The following SH3GL2 variants were observed in gnomAD, a reference collection of about 807,000 sequenced individuals.
The protein encoded by SH3GL2 is endophilin-A1.
In SH3GL2, 24 loss-of-function variants were observed where a neutral mutation model predicts 46.0. That is an observed-to-expected ratio of 0.52 (90% confidence interval 0.38 to 0.73). The LOEUF (loss-of-function observed/expected upper bound fraction) is 0.73, where lower values mean the gene tolerates loss of function less well. SH3GL2 is among the 30% of genes least tolerant of loss of function. The pLI is 0.00. For missense variants in SH3GL2, 413 were observed against 424.2 expected (o/e 0.97, Z 0.23); for synonymous variants, 196 against 147.1 (o/e 1.33, Z -2.40).
At chr9:17,786,175 G>T (rs761949224) in intron 3 of SH3GL2, among the ~76,000 whole-genome samples, 1 of 152,136 alleles carries the variant, frequency 6.6e-6, no homozygotes, top group East Asian at 1.9e-4. Flanking sequence ...TTCATTTTAA[G>T]ATCTTAAGGG....
At chr9:17,612,171 C>G (rs997212322) in intron 1 of SH3GL2, among the ~76,000 whole-genome samples, 3 of 152,122 alleles carry the variant, frequency 2.0e-5, no homozygotes, top group Admixed American at 2.0e-4. Context: ...TGTCCTCTCT[C>G]TCTAGTTCTG....
At chr9:17,780,462 T>G (rs981519157) in intron 3 of SH3GL2, among the ~76,000 whole-genome samples, 1 of 145,880 alleles carries the variant, frequency 6.9e-6, no homozygotes, top group Non-Finnish European at 1.5e-5. Flanking sequence ...ATATTTTGAA[T>G]AGCACAGTTT....
intron 1 of SH3GL2, among the ~76,000 whole-genome samples, chr9:17,600,883 TGAATTTA>T (rs1818656904): frequency 6.6e-6 from 1 of 152,186 alleles, no homozygotes; most frequent in African/African-American, 2.4e-5. Flanking sequence ...AAATACCATG[TGAATTTA>T]GAGTTTAGAG....
intron 1 of SH3GL2, among the ~76,000 whole-genome samples, chr9:17,719,790 C>T (rs58028636): frequency 2.3e-4 from 32 of 138,210 alleles, no homozygotes; most frequent in African/African-American, 8.2e-4. Context: ...GAGACCCTGT[C>T]TTGAAAAAAA....
intron 3 of SH3GL2, among the ~76,000 whole-genome samples, chr9:17,774,607 A>G (rs1823588324): frequency 6.6e-6 from 1 of 151,544 alleles, no homozygotes; most frequent in Admixed American, 6.6e-5. Flanking sequence ...CCATTTTTGT[A>G]TATTGAACCA....
At chr9:17,744,760 T>C (rs1199927928) in intron 1 of SH3GL2, among the ~76,000 whole-genome samples, 1 of 152,216 alleles carries the variant, frequency 6.6e-6, no homozygotes, top group Non-Finnish European at 1.5e-5. Flanking sequence ...AGAAGCTGGC[T>C]TGCCAAACAA....
intron 1 of SH3GL2, among the ~76,000 whole-genome samples, chr9:17,738,639 T>TAGAGAG (rs1245134748): frequency 1.5e-5 from 1 of 66,780 alleles, no homozygotes; most frequent in African/African-American, 4.2e-5. Context: ...TATATATATA[T>TAGAGAG]ATAGAGAGAG....
chr9:17,706,314 A>G, intron 1 of SH3GL2, among the ~76,000 whole-genome samples: 1 of 151,980 alleles, frequency 6.6e-6, no homozygotes, highest in East Asian at 1.9e-4. Context: ...ATGTGTGTTG[A>G]AGTTTTGAAT....
At chr9:17,735,713 G>C in intron 1 of SH3GL2, 1 of 923,708 alleles carries the variant, frequency 1.1e-6, no homozygotes, top group Non-Finnish European at 1.3e-6. Flanking sequence ...AACTCTGTTG[G>C]CACAGAGTTG....
chr9:17,791,263 G>C lies in SH3GL2; in HGVS notation c.657G>C (p.Val219=). 2 of 1,613,690 alleles carry C rather than the reference G, an allele frequency of 1.2e-6. No homozygotes were observed. Among genetic ancestry groups the C allele is most frequent in the Non-Finnish European group, 1.7e-6 (2 of 1,179,674 alleles). ...AAGTGAGCCAGCTCTCTGCACTTGT[G>C]CAAGCTCAGCTGGAGTACCACAAGC... is the stretch of plus-strand genomic sequence containing the variant. ...IEQVSQLSAL[V]QAQLEYHKQA... is the part of the protein sequence containing the mutation. Residue 219 remains valine (V), a synonymous_variant, in exon 7 of 9, where the codon GTG becomes GTC. Coordinates refer to ENST00000380607, the MANE Select transcript of SH3GL2 (RefSeq NM_003026.5).
intron 1 of SH3GL2, among the ~76,000 whole-genome samples, chr9:17,695,336 CT>C (rs1158961067): frequency 1.3e-5 from 2 of 152,288 alleles, no homozygotes; most frequent in East Asian, 3.9e-4. Context: ...GAGCTAGCCT[CT>C]GCTTCATACA....
intron 2 of SH3GL2, among the ~76,000 whole-genome samples, chr9:17,749,530 G>A (rs139513899): frequency 6.6e-6 from 1 of 152,264 alleles, no homozygotes; most frequent in East Asian, 1.9e-4. Flanking sequence ...CAGGTATTTA[G>A]GAATTTGGAA....
At chr9:17,597,496 G>A (rs1818596278) in intron 1 of SH3GL2, among the ~76,000 whole-genome samples, 1 of 150,914 alleles carries the variant, frequency 6.6e-6, no homozygotes, top group South Asian at 2.1e-4. Context: ...CAGCCTGGGC[G>A]ACAGAGTGAT....
intron 1 of SH3GL2, among the ~76,000 whole-genome samples, chr9:17,744,505 A>C (rs900515001): frequency 6.6e-6 from 1 of 151,946 alleles, no homozygotes; most frequent in Non-Finnish European, 1.5e-5. Context: ...ATCTGGGACC[A>C]CAGGTGCACA....
At chr9:17,731,259 A>G (rs1307428719) in intron 1 of SH3GL2, among the ~76,000 whole-genome samples, 2 of 152,002 alleles carry the variant, frequency 1.3e-5, no homozygotes. Context: ...TCCCCCAAAT[A>G]TACGTTGAAG....
At chr9:17,640,593 T>G (rs368458403) in intron 1 of SH3GL2, among the ~76,000 whole-genome samples, 1 of 152,132 alleles carries the variant, frequency 6.6e-6, no homozygotes, top group African/African-American at 2.4e-5. Flanking sequence ...TGCAAGGCTG[T>G]TGTGAAGATG....
chr9:17,653,391 C>T (rs935147559), intron 1 of SH3GL2, among the ~76,000 whole-genome samples: 4 of 152,126 alleles, frequency 2.6e-5, no homozygotes, highest in Non-Finnish European at 5.9e-5. Context: ...TACTTCTAGC[C>T]TCCAGATTTT....
chr9:17,603,791 C>T (rs777372591), intron 1 of SH3GL2, among the ~76,000 whole-genome samples: 14 of 151,940 alleles, frequency 9.2e-5, no homozygotes, highest in Non-Finnish European at 1.8e-4. Flanking sequence ...ACCCGGGAGG[C>T]GGAGGTTGTG....
intron 3 of SH3GL2, among the ~76,000 whole-genome samples, chr9:17,786,054 C>T (rs1372425006): frequency 6.6e-6 from 1 of 152,158 alleles, no homozygotes. Context: ...AAGCACCCAG[C>T]TCCACAGAGT....
Sources: gnomAD v4.1 joint callset for allele counts (sites outside exome capture counted in the v4.1 genomes callset) on GRCh38, gnomAD v4.1.1 for gene constraint, MANE v1.5 for transcripts, NCBI Gene and HGNC (gene_info 2026-07-23, HGNC 2026-07-21) for gene names.